GLRA1: variants seen among roughly 807,000 people sequenced by gnomAD.
GLRA1 encodes glycine receptor subunit alpha-1.
In GLRA1, 37 loss-of-function variants were observed where a neutral mutation model predicts 48.3. The observed-to-expected ratio is 0.77, with a 90% CI of 0.59 to 1.01. The LOEUF is 1.01. Ranked by LOEUF, GLRA1 falls within the 50% of genes least tolerant of loss-of-function variation. The pLI is 0.00. For synonymous variants in GLRA1, 196 were observed against 210.7 expected, an observed-to-expected ratio of 0.93 and a Z score of 0.60; for missense variants, 427 against 571.0, an observed-to-expected ratio of 0.75 and a Z score of 2.57.
chr5:151,918,330 G>A (rs1206922089), intron 1 of GLRA1, among the ~76,000 whole-genome samples: 4 of 152,198 alleles, frequency 2.6e-5, no homozygotes, highest in Non-Finnish European at 5.9e-5. Context: ...TGGAGTTCAA[G>A]GCTGAGAGGC....
intron 1 of GLRA1, among the ~76,000 whole-genome samples, chr5:151,900,290 C>A (rs1754331887): frequency 1.3e-5 from 2 of 152,188 alleles, no homozygotes; most frequent in Admixed American, 6.5e-5. Flanking sequence ...TCACTCTAGT[C>A]CTGGCCCTGC....
intron 3 of GLRA1, among the ~76,000 whole-genome samples, chr5:151,866,328 T>C (rs1753334299): frequency 6.6e-6 from 1 of 152,236 alleles, no homozygotes; most frequent in Non-Finnish European, 1.5e-5. Context: ...TATTGAGGGC[T>C]TCCTATGCAC....
intron 7 of GLRA1, among the ~76,000 whole-genome samples, chr5:151,839,433 T>C (rs1361082595): frequency 6.6e-6 from 1 of 152,232 alleles, no homozygotes; most frequent in Non-Finnish European, 1.5e-5. Flanking sequence ...ATTGTAAACC[T>C]GTGTTAATCA....
In GLRA1 at chr5:151,859,624, C is replaced by T. The variant is rs6889290; in HGVS notation, c.476+161G>A. Among the ~76,000 whole-genome samples, 7,174 of 152,104 alleles carry T rather than the reference C, an allele frequency of 0.047. 589 individuals carry two copies. Among genetic ancestry groups the T allele is most frequent in the African/African-American group, 0.16 (6,756 of 41,442 alleles). On this transcript the variant is annotated intron_variant, in intron 4 of 8. Transcript: ENST00000274576. ...CCCATTGTATTTTATTCTTACTTGC[C>T]GAGTATAAGTTACAGAGCTGGGTCT...
At chr5:151,870,697 G>A (rs1026118975) in intron 3 of GLRA1, among the ~76,000 whole-genome samples, 1 of 149,580 alleles carries the variant, frequency 6.7e-6, no homozygotes, top group East Asian at 1.9e-4. Flanking sequence ...CTATATTTGT[G>A]GAAACACCAA....
At chr5:151,883,391 G>A (rs1753813335) in intron 3 of GLRA1, among the ~76,000 whole-genome samples, 1 of 152,048 alleles carries the variant, frequency 6.6e-6, no homozygotes, top group Non-Finnish European at 1.5e-5. Context: ...TTTTTAGTCT[G>A]TGCTCTTTGG....
At chr5:151,892,566 G>T (rs1250820568) in intron 1 of GLRA1, 128 bp from the exon 2 acceptor site, 2 of 978,770 alleles carry the variant, frequency 2.0e-6, no homozygotes, top group African/African-American at 3.2e-5. Context: ...TGGGTAATAT[G>T]GGTCCTTAAT....
At chr5:151,851,900 C>T (rs1200953253) in intron 6 of GLRA1, among the ~76,000 whole-genome samples, 1 of 152,134 alleles carries the variant, frequency 6.6e-6, no homozygotes. Flanking sequence ...CAATTGCCAA[C>T]ATCACTGTTA....
At chr5:151,823,112 G>A in intron 8 of GLRA1, 149 bp from the exon 9 acceptor site, 2 of 695,614 alleles carry the variant, frequency 2.9e-6, no homozygotes, top group Non-Finnish European at 4.6e-6. Flanking sequence ...GAGGCTTTTT[G>A]GCTGGCTGGG....
chr5:151,832,775 T>G (rs956777074), intron 7 of GLRA1, among the ~76,000 whole-genome samples: 1 of 152,014 alleles, frequency 6.6e-6, no homozygotes, highest in Admixed American at 6.6e-5. Context: ...CAGGCCAATA[T>G]TCAAATTCGG....
chr5:151,871,912 G>A (rs1297905113), intron 3 of GLRA1, among the ~76,000 whole-genome samples: 1 of 149,600 alleles, frequency 6.7e-6, no homozygotes. Context: ...AAGTTCACAT[G>A]GAAGAAAGAA....
intron 7 of GLRA1, among the ~76,000 whole-genome samples, chr5:151,833,899 G>C (rs561247797): frequency 6.6e-6 from 1 of 151,046 alleles, no homozygotes; most frequent in South Asian, 2.1e-4. Flanking sequence ...ATTACATAAT[G>C]GTAAAGGGAT....
chr5:151,889,922 G>A (rs558149040), intron 2 of GLRA1, among the ~76,000 whole-genome samples: 1 of 152,164 alleles, frequency 6.6e-6, no homozygotes, highest in East Asian at 1.9e-4. Flanking sequence ...GGGGGTCGAG[G>A]GAGTTAAGGC....
intron 1 of GLRA1, among the ~76,000 whole-genome samples, chr5:151,907,855 C>T (rs1272910817): frequency 6.6e-6 from 1 of 152,230 alleles, no homozygotes; most frequent in Non-Finnish European, 1.5e-5. Context: ...GGGATTTTCT[C>T]CTTTTGATGA....
chr5:151,856,473 C>T, intron 4 of GLRA1, 90 bp from the exon 5 acceptor site: 2 of 855,692 alleles, frequency 2.3e-6, no homozygotes, highest in South Asian at 1.3e-5. Context: ...AATCAGTTGC[C>T]CAGGATAGGG....
chr5:151,886,953 T>A (rs1753924094), intron 2 of GLRA1, among the ~76,000 whole-genome samples, 165 bp from the exon 3 acceptor site: 1 of 152,276 alleles, frequency 6.6e-6, no homozygotes, highest in East Asian at 1.9e-4. Context: ...CCAGCCACCA[T>A]TTAACATCTC....
chr5:151,865,489 A>G (rs1753311880), intron 3 of GLRA1, among the ~76,000 whole-genome samples: 1 of 152,154 alleles, frequency 6.6e-6, no homozygotes, highest in African/African-American at 2.4e-5. Context: ...GAGTGGGAGG[A>G]CACATGCAGG....
intron 3 of GLRA1, among the ~76,000 whole-genome samples, chr5:151,870,008 A>G (rs1208658876): frequency 6.7e-6 from 1 of 149,698 alleles, no homozygotes; most frequent in Admixed American, 6.6e-5. Flanking sequence ...ATTTTAAAAC[A>G]TCTATTTAAA....
chr5:151,832,235 C>T (rs193154235), intron 7 of GLRA1, among the ~76,000 whole-genome samples: 9 of 152,282 alleles, frequency 5.9e-5, no homozygotes, highest in East Asian at 5.8e-4. Flanking sequence ...AACCAGAATG[C>T]CTTTTCTCTT....
Sources: allele counts gnomAD v4.1 joint callset (sites outside exome capture counted in the v4.1 genomes callset), GRCh38; gene constraint gnomAD v4.1.1; transcripts MANE v1.5; gene names NCBI Gene and HGNC (gene_info 2026-07-23, HGNC 2026-07-21).